Variants in UBE2QL1 observed in about 807,000 individuals in gnomAD.
UBE2QL1 encodes ubiquitin-conjugating enzyme E2Q-like protein 1.
A neutral mutation model predicts 12.6 loss-of-function variants in UBE2QL1; 5 were observed. The observed-to-expected ratio is 0.40, with a 90% confidence interval of 0.21 to 0.83. The LOEUF (loss-of-function observed/expected upper bound fraction) is 0.83. Among genes scored for constraint, UBE2QL1 ranks in the 40% least tolerant of loss-of-function variants. The probability of loss-of-function intolerance (pLI) is 0.37; values close to 1 mark genes in which losing one functional copy is unlikely to be tolerated. For synonymous variants in UBE2QL1, 96 were observed against 94.5 expected, an observed-to-expected ratio of 1.02 and a Z score of -0.10; for missense variants, 99 against 222.6, an observed-to-expected ratio of 0.44 and a Z score of 3.53.
intron 1 of UBE2QL1, among the ~76,000 whole-genome samples, chr5:6,484,268 A>G (rs1734422400): frequency 6.6e-6 from 1 of 152,150 alleles, no homozygotes; most frequent in African/African-American, 2.4e-5. Flanking sequence ...GCTGGTCTGC[A>G]TACTCCAAGT....
rs527759608 is a variant in UBE2QL1 at position 6,474,776 on chromosome 5, G to A, written c.355-16442G>A. On this transcript the variant is annotated intron_variant, in intron 1 of 1. Coordinates refer to ENST00000399816, the MANE Select transcript of UBE2QL1 (RefSeq NM_001145161.3). ...GAGCACTTTAGTACTGGAATAATGC[G>A]TGGTGGGGCATCACCTGGAGGTTCC... is the stretch of plus-strand genomic sequence containing the variant. 7.9e-5 allele frequency among the ~76,000 whole-genome samples: 12 copies of A among 152,308 alleles called. No individual in the cohort carries two copies. In the South Asian group the frequency reaches 1.2e-3, roughly 16 times the overall value.
At chr5:6,472,157 G>A (rs1022398068) in intron 1 of UBE2QL1, among the ~76,000 whole-genome samples, 9 of 152,280 alleles carry the variant, frequency 5.9e-5, no homozygotes, top group African/African-American at 2.2e-4. Flanking sequence ...CTGTGTCACT[G>A]TGTGTGTGTC....
At chr5:6,453,489 G>A (rs1739448468) in intron 1 of UBE2QL1, among the ~76,000 whole-genome samples, 1 of 152,168 alleles carries the variant, frequency 6.6e-6, no homozygotes, top group Admixed American at 6.5e-5. Context: ...TTAACTGTTT[G>A]AATTTAAAAT....
chr5:6,473,172 C>T (rs1379832974), intron 1 of UBE2QL1, among the ~76,000 whole-genome samples: 1 of 152,186 alleles, frequency 6.6e-6, no homozygotes, highest in Non-Finnish European at 1.5e-5. Context: ...GACTACAACC[C>T]CCTCTGCTCT....
At position 6,476,579 on chromosome 5, in the gene UBE2QL1, G is replaced by A. The variant is rs1187015758; in HGVS notation, c.355-14639G>A. ...AAAGAGCCACATGCGGCACCCCTCA[G>A]GTGTACACTATTTTACCTGCTCCTA... On this transcript the variant is annotated intron_variant, in intron 1 of 1. Coordinates refer to ENST00000399816, the MANE Select transcript of UBE2QL1 (RefSeq NM_001145161.3). The surrounding 1 kb of genome is among the most constrained non-coding windows in gnomAD (Gnocchi z 4.9). Among the ~76,000 whole-genome samples, 1 of 152,098 alleles carries A rather than the reference G, an allele frequency of 6.6e-6. No individual in the cohort carries two copies. The highest frequency in any genetic ancestry group is 1.5e-5 in the Non-Finnish European group (1 of 68,026).
chr5:6,469,566 G>A (rs942995652), intron 1 of UBE2QL1, among the ~76,000 whole-genome samples: 4 of 147,704 alleles, frequency 2.7e-5, no homozygotes, highest in Admixed American at 2.7e-4. Context: ...ATCTAAGTGT[G>A]TGTGTGTGTG....
At chr5:6,468,582 A>T (rs1739843930) in intron 1 of UBE2QL1, among the ~76,000 whole-genome samples, 1 of 152,234 alleles carries the variant, frequency 6.6e-6, no homozygotes, top group South Asian at 2.1e-4. Context: ...GAATCTTTTC[A>T]TTCCATTGGA....
chr5:6,459,312 A>T (rs1239109251), intron 1 of UBE2QL1, among the ~76,000 whole-genome samples: 2 of 152,218 alleles, frequency 1.3e-5, no homozygotes, highest in Admixed American at 1.3e-4. Context: ...GTGAGTTGGA[A>T]CTGAATTGAA....
chr5:6,463,452 G>A (rs1457487340), intron 1 of UBE2QL1, among the ~76,000 whole-genome samples: 1 of 151,998 alleles, frequency 6.6e-6, no homozygotes, highest in Non-Finnish European at 1.5e-5. Context: ...CAGGGTGGTG[G>A]CCTCACTTTT....
At position 6,492,075 on chromosome 5, in the gene UBE2QL1, CT is replaced by C. The variant is rs1181962291; in HGVS notation, c.*727del. The C allele has an allele frequency of 6.6e-6, 1 of 152,256 alleles. No individual in the cohort carries two copies. Among genetic ancestry groups the C allele is most frequent in the African/African-American group, 2.4e-5 (1 of 41,458 alleles). 9.4% of individuals were successfully genotyped at this position (152,256 alleles called of 1,614,324 possible). ...AAGGCAGAGGATACTGCGACCACCC[CT>C]GGCAGACGGTGGCGTAGACACCAGG... On this transcript the variant is annotated 3_prime_UTR_variant, in exon 2 of 2. Coordinates refer to ENST00000399816, the MANE Select transcript of UBE2QL1 (RefSeq NM_001145161.3).
Position 6,496,576 on chromosome 5 carries a change from G to A in UBE2QL1, c.*5227G>A, listed in dbSNP as rs1395530744. ...CAAAAGAAGAGAAAAAAACGCATGT[G>A]GCATAAATCAACAGGAAAGAAATGT... On this transcript the variant is annotated 3_prime_UTR_variant, in exon 2 of 2. Coordinates refer to ENST00000399816, the MANE Select transcript of UBE2QL1 (RefSeq NM_001145161.3). Among the ~76,000 whole-genome samples, 2 of 152,026 alleles carry A rather than the reference G, an allele frequency of 1.3e-5. No homozygotes were observed. Among genetic ancestry groups the A allele is most frequent in the African/African-American group, 4.8e-5 (2 of 41,390 alleles).
chr5:6,451,809 T>G (rs1452074609), intron 1 of UBE2QL1, among the ~76,000 whole-genome samples: 2 of 152,210 alleles, frequency 1.3e-5, no homozygotes, highest in Non-Finnish European at 2.9e-5. Flanking sequence ...CTTTATGTAC[T>G]TTTGCAAATT....
In UBE2QL1 at chr5:6,473,999, A is replaced by C. The variant is rs560350247; in HGVS notation, c.355-17219A>C. 1.7e-4 allele frequency among the ~76,000 whole-genome samples: 26 copies of C among 152,356 alleles called. 2 individuals carry two copies. The South Asian group carries it at 5.2e-3, about 30-fold the overall frequency. On this transcript the variant is annotated intron_variant, in intron 1 of 1. Coordinates refer to ENST00000399816, the MANE Select transcript of UBE2QL1 (RefSeq NM_001145161.3). ...TGCCTTCCACAGTAGGCCCTCAAAA[A>C]ATTATTGGCTGCAAACATAACATAT...
At chr5:6,482,895 C>T (rs544758241) in intron 1 of UBE2QL1, among the ~76,000 whole-genome samples, 1 of 152,318 alleles carries the variant, frequency 6.6e-6, no homozygotes, top group African/African-American at 2.4e-5. Context: ...CAGAGGCACT[C>T]TCATCTAGAG....
intron 1 of UBE2QL1, among the ~76,000 whole-genome samples, chr5:6,487,914 G>T (rs984486347): frequency 6.6e-6 from 1 of 152,194 alleles, no homozygotes; most frequent in Non-Finnish European, 1.5e-5. Flanking sequence ...GCAAGGGCAT[G>T]TCAGAAAAAC....
At chr5:6,470,388 A>G (rs1739885972) in intron 1 of UBE2QL1, among the ~76,000 whole-genome samples, 1 of 152,250 alleles carries the variant, frequency 6.6e-6, no homozygotes, top group Non-Finnish European at 1.5e-5. Flanking sequence ...TCTAACCTGT[A>G]AAACTCTTAA....
chr5:6,471,719 A>G (rs1193644501), intron 1 of UBE2QL1, among the ~76,000 whole-genome samples: 1 of 152,238 alleles, frequency 6.6e-6, no homozygotes, highest in Non-Finnish European at 1.5e-5. Context: ...AACGCCAGGA[A>G]TCGGAAATCC....
chr5:6,463,436 A>G (rs1739715967), intron 1 of UBE2QL1, among the ~76,000 whole-genome samples: 1 of 151,972 alleles, frequency 6.6e-6, no homozygotes, highest in African/African-American at 2.4e-5. Flanking sequence ...GGTGCTAAGT[A>G]AGGAACAGGG....
rs142492000 is a variant in UBE2QL1 at position 6,475,022 on chromosome 5, G to A, written c.355-16196G>A. 1.2e-3 allele frequency among the ~76,000 whole-genome samples: 176 copies of A among 152,302 alleles called. 1 individual carries two copies. The highest frequency in any genetic ancestry group is 4.1e-3 in the African/African-American group (170 of 41,562). On this transcript the variant is annotated intron_variant, in intron 1 of 1. Transcript: ENST00000399816. ...TGAAGTCCTTGTGGCAGTGACTGGC[G>A]CAGCTTTCCCTATATTCTATCATAA... is the stretch of plus-strand genomic sequence containing the variant.
Sources: allele counts gnomAD v4.1 joint callset (sites outside exome capture counted in the v4.1 genomes callset), GRCh38; gene constraint gnomAD v4.1.1; non-coding constraint Gnocchi (gnomAD v3.1); transcripts MANE v1.5; gene names NCBI Gene and HGNC (gene_info 2026-07-23, HGNC 2026-07-21).